Variants in FHIT observed in about 807,000 individuals in gnomAD.
FHIT encodes the protein fragile histidine triad diadenosine triphosphatase.
Under a neutral mutation model 17.9 loss-of-function variants are expected in FHIT, and 19 were observed. That is an observed-to-expected ratio of 1.06 (90% CI 0.74 to 1.56). The LOEUF (loss-of-function observed/expected upper bound fraction) is 1.56, where lower values mean the gene tolerates loss of function less well. FHIT is among the 40% of genes most tolerant of loss of function. The pLI, the probability that FHIT is intolerant of heterozygous loss-of-function variation, is 0.00. For missense variants in FHIT, 248 were observed against 189.2 expected (o/e 1.31, Z -1.82); for synonymous variants, 81 against 69.7 (o/e 1.16, Z -0.81).
intron 3 of FHIT, among the ~76,000 whole-genome samples, chr3:60,986,663 T>C (rs1205313727): frequency 6.6e-6 from 1 of 152,186 alleles, no homozygotes; most frequent in Admixed American, 6.5e-5. Context: ...CAAATTTGTG[T>C]AGCTGGCCAG....
At chr3:59,866,498 C>T (rs901221945) in intron 8 of FHIT, among the ~76,000 whole-genome samples, 10 of 152,092 alleles carry the variant, frequency 6.6e-5, no homozygotes, top group South Asian at 2.1e-4. Context: ...ATCTGTTTTG[C>T]GGAGTTCTTC....
At chr3:60,717,454 C>G (rs2041710681) in intron 4 of FHIT, among the ~76,000 whole-genome samples, 1 of 152,044 alleles carries the variant, frequency 6.6e-6, no homozygotes, top group Non-Finnish European at 1.5e-5. Flanking sequence ...GTCAACTATA[C>G]CTTAATAAAG....
At chr3:60,995,784 A>G (rs1465751761) in intron 3 of FHIT, among the ~76,000 whole-genome samples, 1 of 152,210 alleles carries the variant, frequency 6.6e-6, no homozygotes, top group Non-Finnish European at 1.5e-5. Flanking sequence ...AATGTATACA[A>G]TCTGTAAGCC....
chr3:60,116,605 C>G (rs1221604248), intron 5 of FHIT, among the ~76,000 whole-genome samples: 2 of 152,086 alleles, frequency 1.3e-5, no homozygotes, highest in African/African-American at 4.8e-5. Flanking sequence ...TGAATTAAAG[C>G]TCAAGAATGA....
intron 2 of FHIT, among the ~76,000 whole-genome samples, chr3:61,155,125 C>T (rs1028834270): frequency 6.6e-6 from 1 of 152,172 alleles, no homozygotes; most frequent in Non-Finnish European, 1.5e-5. Context: ...TTTATTATAA[C>T]ATTCATGGCT....
At chr3:59,980,086 A>G (rs3772487) in intron 7 of FHIT, among the ~76,000 whole-genome samples, 11,500 of 152,206 alleles carry the variant, frequency 0.076, 495 homozygotes, top group African/African-American at 0.1. Flanking sequence ...ATTCTAAAAC[A>G]CCACTTAAGC....
chr3:60,550,798 A>C (rs1324399690), intron 4 of FHIT, among the ~76,000 whole-genome samples: 2 of 152,160 alleles, frequency 1.3e-5, no homozygotes, highest in Non-Finnish European at 2.9e-5. Context: ...ATACTATTCT[A>C]GTGGTAAATA....
intron 4 of FHIT, among the ~76,000 whole-genome samples, chr3:60,789,776 T>C (rs1272609505): frequency 2.0e-5 from 3 of 152,170 alleles, no homozygotes; most frequent in Admixed American, 6.5e-5. Flanking sequence ...AAAAAAAAAT[T>C]CATCCCTGTA....
At chr3:60,667,936 C>T (rs1241445557) in intron 4 of FHIT, among the ~76,000 whole-genome samples, 1 of 152,030 alleles carries the variant, frequency 6.6e-6, no homozygotes, top group African/African-American at 2.4e-5. Flanking sequence ...TTTCCCCACA[C>T]TGGGCCTCAG....
Position 60,229,855 on chromosome 3 carries a change from G to A in FHIT, c.104-215703C>T, listed in dbSNP as rs1037836047. On this transcript the variant is annotated intron_variant, in intron 5 of 9. Transcript: ENST00000492590. ...AAGTTAGCCAGGCATGGTGATGCACGCCTATAATCCCAGCTTCTCAAGAGG... is the reference window on the plus strand; with the variant it reads ...AAGTTAGCCAGGCATGGTGATGCACACCTATAATCCCAGCTTCTCAAGAGG... Among the ~76,000 whole-genome samples the A allele has an allele frequency of 4.6e-5, 7 of 152,076 alleles. No individual in the cohort carries two copies. In the South Asian group the frequency reaches 1.0e-3, roughly 23 times the overall value.
At chr3:60,289,937 C>T (rs940093473) in intron 5 of FHIT, among the ~76,000 whole-genome samples, 4 of 152,176 alleles carry the variant, frequency 2.6e-5, no homozygotes, top group African/African-American at 4.8e-5. Flanking sequence ...ATATTGTTCC[C>T]TCCTGGCCCA....
chr3:60,889,327 G>A (rs1368658432), intron 3 of FHIT, among the ~76,000 whole-genome samples: 3 of 152,210 alleles, frequency 2.0e-5, no homozygotes, highest in African/African-American at 7.2e-5. Context: ...GTCCAAGTGT[G>A]CGCTCACCAT....
chr3:60,750,665 CT>C (rs1369594817), intron 4 of FHIT, among the ~76,000 whole-genome samples: 2 of 152,156 alleles, frequency 1.3e-5, no homozygotes, highest in Non-Finnish European at 2.9e-5. Context: ...CAATAAACCT[CT>C]TTCTTTTGTA....
chr3:60,360,291 G>T (rs1699852678), intron 5 of FHIT, among the ~76,000 whole-genome samples: 1 of 151,880 alleles, frequency 6.6e-6, no homozygotes, highest in Admixed American at 6.6e-5. Context: ...AAAGCCTCCA[G>T]AAGGTACAAA....
intron 5 of FHIT, among the ~76,000 whole-genome samples, chr3:60,092,729 G>T (rs1677636730): frequency 6.6e-6 from 1 of 152,128 alleles, no homozygotes; most frequent in African/African-American, 2.4e-5. Flanking sequence ...GAGCTAGCTG[G>T]AACAGCACAA....
intron 3 of FHIT, among the ~76,000 whole-genome samples, chr3:60,907,625 CA>C (rs35373770): frequency 0.2 from 30,543 of 151,920 alleles, 3,511 homozygotes; most frequent in Middle Eastern, 0.31. Flanking sequence ...GGTGAAATGT[CA>C]GGGGGTAATA....
intron 5 of FHIT, among the ~76,000 whole-genome samples, chr3:60,521,438 G>A (rs113916172): frequency 0.1 from 15,379 of 151,918 alleles, 840 homozygotes; most frequent in Admixed American, 0.14. Context: ...TAGTAGAGAC[G>A]GGGTTTCACC....
chr3:60,912,929 C>T (rs1706819585), intron 3 of FHIT, among the ~76,000 whole-genome samples: 2 of 152,104 alleles, frequency 1.3e-5, no homozygotes, highest in South Asian at 4.1e-4. Context: ...TCTGTTTTTT[C>T]TTATGTTAAT....
At chr3:60,087,465 A>G (rs1576069870) in intron 5 of FHIT, among the ~76,000 whole-genome samples, 1 of 152,108 alleles carries the variant, frequency 6.6e-6, no homozygotes, top group East Asian at 1.9e-4. Flanking sequence ...AATTTTCCAA[A>G]CTTTTACACT....
Sources: allele counts gnomAD v4.1 joint callset (sites outside exome capture counted in the v4.1 genomes callset), GRCh38; gene constraint gnomAD v4.1.1; transcripts MANE v1.5; gene names NCBI Gene and HGNC (gene_info 2026-07-23, HGNC 2026-07-21).